The following FREM1 variants were observed in gnomAD, a reference collection of about 807,000 sequenced individuals.
The protein encoded by FREM1 is FRAS1 related extracellular matrix 1, also known as FRAS1-related extracellular matrix protein 1.
Under a neutral mutation model 210.1 loss-of-function variants are expected in FREM1, and 220 were observed. That is an observed-to-expected ratio of 1.05 (90% CI 0.94 to 1.17). FREM1 has a LOEUF of 1.17. Among genes scored for constraint, FREM1 ranks in the 50% most tolerant of loss-of-function variants. FREM1 has a pLI of 0.00. For synonymous variants in FREM1, 1,189 were observed against 980.2 expected (o/e 1.21, Z -3.98); for missense variants, 3,454 against 2,675.5 (o/e 1.29, Z -6.42).
intron 1 of FREM1, among the ~76,000 whole-genome samples, chr9:14,873,936 AT>A (rs1295712239): frequency 5.3e-5 from 8 of 152,236 alleles, no homozygotes; most frequent in South Asian, 2.1e-4. Context: ...CCCAGTAGTC[AT>A]TCAGGAGCAG....
chr9:14,863,774 T>C, intron 3 of FREM1, 35 bp downstream of exon 3: 1 of 1,292,800 alleles, frequency 7.7e-7, no homozygotes, highest in Non-Finnish European at 1.1e-6. Context: ...AATGGTTACT[T>C]GGCAGCAAAT....
chr9:14,896,711 AAACAAC>A (rs931978971), intron 1 of FREM1, among the ~76,000 whole-genome samples: 69 of 152,264 alleles, frequency 4.5e-4, no homozygotes, highest in Middle Eastern at 3.4e-3. Context: ...CTTTGGCTTA[AAACAAC>A]AACAACAACA....
chr9:14,778,333 T>A (rs1412583492), intron 24 of FREM1, among the ~76,000 whole-genome samples: 1 of 131,112 alleles, frequency 7.6e-6, no homozygotes, highest in Non-Finnish European at 1.6e-5. Flanking sequence ...TAAAAGAGGC[T>A]GGTGCAGTGG....
In FREM1 at chr9:14,801,804, T is replaced by C; in HGVS notation, c.3542A>G (p.Asp1181Gly). ...ISAVDLDIPQ[D>G]ALLFSITQKP... The stretch of plus-strand genomic sequence containing the variant: ...TTGAGTGATGCTGAACAGCAGGGCA[T>C]CCTGGGGAATGTCCAGGTCCACAGC... Residue 1181 changes from aspartate to glycine, a missense_variant, in exon 20 of 37, where the codon GAT becomes GGT. Coordinates refer to ENST00000380880, the MANE Select transcript of FREM1 (RefSeq NM_001379081.2). 6.2e-7 allele frequency: 1 copy of C among 1,614,012 alleles called. No individual in the cohort carries two copies. The highest frequency in any genetic ancestry group is 8.5e-7 in the Non-Finnish European group (1 of 1,179,900).
At chr9:14,750,315 A>G (rs1340051320) in intron 29 of FREM1, 39 bp from the exon 30 acceptor site, 1 of 1,510,994 alleles carries the variant, frequency 6.6e-7, no homozygotes, top group African/African-American at 1.4e-5. Flanking sequence ...TTTAATTGCT[A>G]TTTCAATCAC....
At chr9:14,875,889 T>C (rs1311342206) in intron 1 of FREM1, among the ~76,000 whole-genome samples, 1 of 152,244 alleles carries the variant, frequency 6.6e-6, no homozygotes, top group Non-Finnish European at 1.5e-5. Flanking sequence ...GTTTTCCTTC[T>C]AACAGACAGG....
At chr9:14,899,239 G>A (rs924114697) in intron 1 of FREM1, among the ~76,000 whole-genome samples, 12 of 152,228 alleles carry the variant, frequency 7.9e-5, no homozygotes, top group Non-Finnish European at 1.3e-4. Flanking sequence ...TCCCCACAGT[G>A]AGACACCACA....
intron 1 of FREM1, among the ~76,000 whole-genome samples, chr9:14,871,119 G>A (rs1263740858): frequency 1.3e-5 from 2 of 152,084 alleles, no homozygotes; most frequent in African/African-American, 2.4e-5. Flanking sequence ...AAACATACGT[G>A]TGCATGTGTC....
Position 14,756,409 on chromosome 9 carries a change from G to C in FREM1, c.5372C>G (p.Thr1791Ser). 6.2e-7 allele frequency: 1 copy of C among 1,602,304 alleles called. No homozygotes were observed. ...QVSAAVGKDF[T>S]VIPSKLIQFD... ...CTGAATCAGTTTAGATGGAATCACG[G>C]TGAAATCTTTTCCAACTGCAGCTGA... is the stretch of plus-strand genomic sequence containing the variant. Residue 1791 changes from threonine (T) to serine (S), a missense_variant, in exon 29 of 37, where the codon ACC (threonine) becomes AGC (serine). By Grantham distance (58) the Thr-to-Ser change is moderately conservative (BLOSUM62 1). Coordinates refer to ENST00000380880, the MANE Select transcript of FREM1 (RefSeq NM_001379081.2).
At chr9:14,881,059 G>T (rs1225731507) in intron 1 of FREM1, among the ~76,000 whole-genome samples, 1 of 152,144 alleles carries the variant, frequency 6.6e-6, no homozygotes, top group Non-Finnish European at 1.5e-5. Context: ...TCTCCAAATG[G>T]TTGGTCAGCA....
At chr9:14,835,622 T>A (rs1588262294) in intron 10 of FREM1, among the ~76,000 whole-genome samples, 1 of 152,208 alleles carries the variant, frequency 6.6e-6, no homozygotes, top group East Asian at 1.9e-4. Flanking sequence ...GAGGAAAGGA[T>A]CACCCAACTC....
chr9:14,782,702 T>A (rs1196687325), intron 24 of FREM1, among the ~76,000 whole-genome samples: 1 of 152,202 alleles, frequency 6.6e-6, no homozygotes, highest in Non-Finnish European at 1.5e-5. Context: ...GGAAAGAATA[T>A]AATGACAACA....
intron 1 of FREM1, among the ~76,000 whole-genome samples, chr9:14,902,530 A>G (rs945936354): frequency 2.0e-5 from 3 of 152,108 alleles, no homozygotes; most frequent in Non-Finnish European, 2.9e-5. Flanking sequence ...GAAGACCAAT[A>G]TTTTCCAGTA....
At chr9:14,814,422 G>C (rs74722092) in intron 15 of FREM1, among the ~76,000 whole-genome samples, 4,682 of 152,246 alleles carry the variant, frequency 0.031, 211 homozygotes, top group African/African-American at 0.1. Flanking sequence ...AAATGAATGA[G>C]TGAATGCAAC....
chr9:14,841,696 A>G (rs998387085), intron 9 of FREM1, 107 bp from the exon 10 acceptor site: 3 of 737,400 alleles, frequency 4.1e-6, no homozygotes, highest in African/African-American at 1.8e-5. Context: ...AGTACATTCT[A>G]TGTACCCAAG....
chr9:14,788,614 T>G (rs1383447720), intron 23 of FREM1, among the ~76,000 whole-genome samples: 1 of 152,204 alleles, frequency 6.6e-6, no homozygotes, highest in Non-Finnish European at 1.5e-5. Context: ...TTGGTAAAAT[T>G]TTACTTAAAG....
At chr9:14,755,934 T>C (rs984279743) in intron 29 of FREM1, among the ~76,000 whole-genome samples, 5 of 152,222 alleles carry the variant, frequency 3.3e-5, no homozygotes, top group African/African-American at 2.4e-5. Context: ...TAATTTCCCC[T>C]GGAATCTCCT....
chr9:14,880,587 G>C (rs1252849557), intron 1 of FREM1, among the ~76,000 whole-genome samples: 2 of 131,546 alleles, frequency 1.5e-5, no homozygotes, highest in African/African-American at 3.0e-5. Context: ...CTGGGTAACA[G>C]AGTGAGACTG....
Position 14,739,828 on chromosome 9 carries a change from C to T in FREM1, c.6340+321G>A, listed in dbSNP as rs1357665246. Among the ~76,000 whole-genome samples, 4 of 151,700 alleles carry T rather than the reference C, an allele frequency of 2.6e-5. No individual in the cohort carries two copies. The East Asian group carries it at 7.7e-4, about 29-fold the overall frequency. ...TTACATATTCCTTCATGTGGCTGTA[C>T]TATAATTTATTTAACCATTCTTTAG... On this transcript the variant is annotated intron_variant, in intron 36 of 36. Coordinates refer to ENST00000380880, the MANE Select transcript of FREM1 (RefSeq NM_001379081.2).
Sources: gnomAD v4.1 joint callset for allele counts (sites outside exome capture counted in the v4.1 genomes callset) on GRCh38, gnomAD v4.1.1 for gene constraint, MANE v1.5 for transcripts, NCBI Gene and HGNC (gene_info 2026-07-23, HGNC 2026-07-21) for gene names.